ITPR2: variants seen among roughly 807,000 people sequenced by gnomAD.
ITPR2 encodes the protein inositol 1,4,5-trisphosphate-gated calcium channel ITPR2.
In ITPR2, 207 loss-of-function variants were observed where a neutral mutation model predicts 317.1. That is an observed-to-expected ratio of 0.65 (90% CI 0.58 to 0.73). The LOEUF is 0.73. Among genes scored for constraint, ITPR2 ranks in the 30% least tolerant of loss-of-function variants. The pLI, the probability that ITPR2 is intolerant of heterozygous loss-of-function variation, is 0.00. For synonymous variants in ITPR2, 1,156 were observed against 1,149.1 expected (o/e 1.01, Z -0.12); for missense variants, 2,613 against 3,284.0 (o/e 0.80, Z 4.99).
rs1592150779 is a variant in ITPR2 at position 26,809,861 on chromosome 12, C to G, written c.93-19634G>C. Among the ~76,000 whole-genome samples the G allele has an allele frequency of 2.0e-5, 3 of 152,314 alleles. No individual in the cohort carries two copies. The South Asian group carries it at 6.2e-4, about 32-fold the overall frequency. On this transcript the variant is annotated intron_variant, in intron 1 of 56. Transcript: ENST00000381340. ...ACTCCCTCTTTCCCACACTCCAATA[C>G]AGATTTCAGCTTTTCTTTTTTCAGT...
At chr12:26,377,940 C>T (rs2136611054) in intron 55 of ITPR2, among the ~76,000 whole-genome samples, 1 of 152,228 alleles carries the variant, frequency 6.6e-6, no homozygotes, top group African/African-American at 2.4e-5. Flanking sequence ...TTTAGCTCGA[C>T]TCTCCTCAAA....
intron 47 of ITPR2, among the ~76,000 whole-genome samples, chr12:26,438,754 G>A (rs952113813): frequency 6.6e-6 from 1 of 152,214 alleles, no homozygotes; most frequent in East Asian, 1.9e-4. Context: ...GAGGAAGAGT[G>A]CGCAGGAGCT....
At chr12:26,367,570 C>G (rs1263625073) in intron 55 of ITPR2, among the ~76,000 whole-genome samples, 1 of 152,052 alleles carries the variant, frequency 6.6e-6, no homozygotes, top group Non-Finnish European at 1.5e-5. Flanking sequence ...TCTGAAAAAA[C>G]CTTTAACGCA....
intron 41 of ITPR2, among the ~76,000 whole-genome samples, chr12:26,485,820 T>C (rs1942652082): frequency 6.6e-6 from 1 of 152,162 alleles, no homozygotes; most frequent in Non-Finnish European, 1.5e-5. Context: ...TACCAGAGAA[T>C]ACTAGGAAGA....
intron 36 of ITPR2, among the ~76,000 whole-genome samples, chr12:26,554,346 T>G (rs1347339259): frequency 6.6e-6 from 1 of 152,224 alleles, no homozygotes; most frequent in African/African-American, 2.4e-5. Flanking sequence ...TAAACTATAA[T>G]TTAAATAACC....
At chr12:26,564,109 G>GA (rs1944887928) in intron 34 of ITPR2, among the ~76,000 whole-genome samples, 1 of 152,130 alleles carries the variant, frequency 6.6e-6, no homozygotes, top group African/African-American at 2.4e-5. Flanking sequence ...ATAAACATGT[G>GA]AAAAATTGGC....
At chr12:26,567,579 A>T (rs1312510325) in intron 34 of ITPR2, among the ~76,000 whole-genome samples, 1 of 152,198 alleles carries the variant, frequency 6.6e-6, no homozygotes, top group Non-Finnish European at 1.5e-5. Context: ...ATAGAAAATT[A>T]ACTATGCAAT....
At chr12:26,474,793 CAAAAAA>C (rs10616680) in intron 45 of ITPR2, among the ~76,000 whole-genome samples, 2 of 84,080 alleles carry the variant, frequency 2.4e-5, no homozygotes, top group Non-Finnish European at 4.3e-5. Context: ...GACTCCGTCT[CAAAAAA>C]AAAAAAAAAA....
chr12:26,795,999 A>G (rs372996026), intron 1 of ITPR2, among the ~76,000 whole-genome samples: 1,837 of 96,490 alleles, frequency 0.019, 22 homozygotes, highest in East Asian at 0.033. Context: ...ACAAAAAAAA[A>G]GGGGGGGGGG....
intron 37 of ITPR2, among the ~76,000 whole-genome samples, chr12:26,536,839 G>A (rs1444948779): frequency 6.6e-6 from 1 of 152,208 alleles, no homozygotes; most frequent in Non-Finnish European, 1.5e-5. Context: ...ACTGGGATGT[G>A]GGCTGATGTG....
chr12:26,430,595 C>T (rs1941180183), intron 48 of ITPR2, among the ~76,000 whole-genome samples: 2 of 152,184 alleles, frequency 1.3e-5, no homozygotes, highest in South Asian at 4.1e-4. Context: ...CATTCTTTAC[C>T]CATTAATGGT....
intron 44 of ITPR2, among the ~76,000 whole-genome samples, chr12:26,476,495 A>C (rs1313540286): frequency 1.3e-5 from 2 of 152,256 alleles, no homozygotes; most frequent in Non-Finnish European, 2.9e-5. Context: ...TATCACTGAG[A>C]AGAACAGCTA....
At chr12:26,531,407 A>G (rs1200699087) in intron 37 of ITPR2, among the ~76,000 whole-genome samples, 1 of 152,232 alleles carries the variant, frequency 6.6e-6, no homozygotes, top group Non-Finnish European at 1.5e-5. Flanking sequence ...CTGGAGCAGA[A>G]ACGAATTGTA....
intron 37 of ITPR2, among the ~76,000 whole-genome samples, chr12:26,543,594 T>G (rs759715254): frequency 6.6e-6 from 1 of 152,128 alleles, no homozygotes; most frequent in Admixed American, 6.5e-5. Context: ...ACCAAGATGG[T>G]GAAACCCTGT....
At chr12:26,778,483 C>G (rs1950018570) in intron 2 of ITPR2, among the ~76,000 whole-genome samples, 1 of 152,228 alleles carries the variant, frequency 6.6e-6, no homozygotes, top group Non-Finnish European at 1.5e-5. Context: ...AACACATCTC[C>G]TGGTACCTAG....
rs548265446 is a variant in ITPR2, at chr12:26,342,420, G to A, written c.7858-2092C>T. Among the ~76,000 whole-genome samples the A allele has an allele frequency of 1.4e-4, 20 of 146,048 alleles. 1 individual carries two copies. In the South Asian group the frequency reaches 1.8e-3, roughly 13 times the overall value. ...CATGGTTTAGATATGGTTTGTCTGCGTTCTCCAAACCTCCTGTTGAAATTT... is the reference window on the plus strand; with the variant it reads ...CATGGTTTAGATATGGTTTGTCTGCATTCTCCAAACCTCCTGTTGAAATTT... On this transcript the variant is annotated intron_variant, in intron 55 of 56. Transcript: ENST00000381340.
rs1418669846 is a variant in ITPR2, at chr12:26,359,068, T to C, written c.7858-18740A>G. Among the ~76,000 whole-genome samples, 6 of 152,248 alleles carry C rather than the reference T, an allele frequency of 3.9e-5. No individual in the cohort carries two copies. The East Asian group carries it at 1.2e-3, about 29-fold the overall frequency. The stretch of plus-strand genomic sequence containing the variant: ...ATTGCCTACATCATATAGTCATTTG[T>C]CTCCAATAGTAGAATGCAAGTTCTA... On this transcript the variant is annotated intron_variant, in intron 55 of 56. Coordinates refer to ENST00000381340, the MANE Select transcript of ITPR2 (RefSeq NM_002223.4).
intron 45 of ITPR2, among the ~76,000 whole-genome samples, chr12:26,474,832 C>G (rs147384787): frequency 1.3e-5 from 2 of 151,610 alleles, no homozygotes; most frequent in Admixed American, 6.6e-5. Flanking sequence ...AAAGTTTAGC[C>G]TCACACTTCC....
Position 26,589,347 on chromosome 12 carries a change from T to TA in ITPR2, c.4380+6117dup, listed in dbSNP as rs532397018. Among the ~76,000 whole-genome samples, 192 of 152,014 alleles carry TA rather than the reference T, an allele frequency of 1.3e-3. 1 individual carries two copies. The highest frequency in any genetic ancestry group is 4.4e-3 in the African/African-American group (181 of 41,464). On this transcript the variant is annotated intron_variant, in intron 32 of 56. Transcript: ENST00000381340. ...ATGCCAATAGGAAAATGAAAAATAC[T>TA]AAAAAAAGGTGACTTTAGACAGCTT...
Sources: allele counts gnomAD v4.1 joint callset (sites outside exome capture counted in the v4.1 genomes callset), GRCh38; gene constraint gnomAD v4.1.1; transcripts MANE v1.5; gene names NCBI Gene and HGNC (gene_info 2026-07-23, HGNC 2026-07-21).